Variants in TBXAS1 observed in about 807,000 individuals in gnomAD.
TBXAS1 encodes thromboxane-A synthase.
A neutral mutation model predicts 60.7 loss-of-function variants in TBXAS1; 48 were observed. That is an observed-to-expected ratio of 0.79 (90% CI 0.63 to 1.01). TBXAS1 has a LOEUF of 1.01. Ranked by LOEUF, TBXAS1 falls within the 50% of genes least tolerant of loss-of-function variation. The pLI, the probability that TBXAS1 is intolerant of heterozygous loss-of-function variation, is 0.00. For synonymous variants in TBXAS1, 287 were observed against 269.7 expected (o/e 1.06, Z -0.63); for missense variants, 685 against 686.3 (o/e 1.00, Z 0.02).
chr7:139,970,396 C>T (rs752702945), intron 9 of TBXAS1, among the ~76,000 whole-genome samples: 36 of 152,172 alleles, frequency 2.4e-4, no homozygotes, highest in Non-Finnish European at 3.2e-4. Flanking sequence ...CGTGAGCCAC[C>T]GTGCCCGGCC....
chr7:139,850,197 T>A (rs1569500692), intron 1 of TBXAS1, among the ~76,000 whole-genome samples: 1 of 152,194 alleles, frequency 6.6e-6, no homozygotes, highest in Non-Finnish European at 1.5e-5. Context: ...ATTTGTCCAC[T>A]CACCTCCAGT....
At chr7:139,933,631 C>T (rs985624710) in intron 4 of TBXAS1, among the ~76,000 whole-genome samples, 1 of 152,152 alleles carries the variant, frequency 6.6e-6, no homozygotes, top group African/African-American at 2.4e-5. Context: ...ATAATTAACT[C>T]CTCTCTAGAT....
At chr7:139,846,365 A>G (rs988897169) in intron 1 of TBXAS1, among the ~76,000 whole-genome samples, 80 of 152,344 alleles carry the variant, frequency 5.3e-4, no homozygotes, top group African/African-American at 1.7e-3. Flanking sequence ...GACCTTAAGC[A>G]ATAGATGTCA....
intron 9 of TBXAS1, among the ~76,000 whole-genome samples, chr7:140,000,302 C>T (rs1252208557): frequency 1.3e-5 from 2 of 152,136 alleles, no homozygotes; most frequent in Admixed American, 6.5e-5. Flanking sequence ...GAGTTCAACA[C>T]AAGCCTGGGC....
chr7:140,018,705 G>A (rs1011096290), intron 12 of TBXAS1, among the ~76,000 whole-genome samples: 3 of 152,180 alleles, frequency 2.0e-5, no homozygotes, highest in African/African-American at 7.2e-5. Flanking sequence ...GCTCAGAGAG[G>A]TTAAATAACT....
Position 139,785,021 on chromosome 7 carries a change from CCA to C in TBXAS1, c.-169+2294_-169+2295del, listed in dbSNP as rs377011073. On this transcript the variant is annotated intron_variant, in intron 3 of 16. Transcript: ENST00000336425. ...AGACTCCTCAGGCAGAACCCCAAACCCACTGACTCAGGAATCTCTGGGGGTGG... is the reference window on the plus strand; with the variant it reads ...AGACTCCTCAGGCAGAACCCCAAACCCTGACTCAGGAATCTCTGGGGGTGG... 4.7e-3 allele frequency among the ~76,000 whole-genome samples: 713 copies of C among 152,262 alleles called. 4 individuals carry two copies. The highest frequency in any genetic ancestry group is 0.011 in the South Asian group (51 of 4,822).
chr7:139,873,973 G>A lies in TBXAS1; in HGVS notation c.184-1612G>A, dbSNP rs1569505434. Among the ~76,000 whole-genome samples the A allele has an allele frequency of 3.3e-5, 5 of 152,060 alleles. No homozygotes were observed. The South Asian group carries it at 1.0e-3, about 32-fold the overall frequency. ...CCTACCTCCGGAAAGGCTGGCCCTT[G>A]GCACTAGATAGAAAAGAAAGCTGCT... On this transcript the variant is annotated intron_variant, in intron 2 of 12. Coordinates refer to ENST00000448866, the MANE Select transcript of TBXAS1 (RefSeq NM_001061.7).
chr7:139,852,000 G>C (rs545613114), intron 1 of TBXAS1, among the ~76,000 whole-genome samples: 6 of 152,270 alleles, frequency 3.9e-5, no homozygotes, highest in African/African-American at 1.4e-4. Context: ...TGCTTACTTT[G>C]GGGAAGTCAG....
At chr7:139,801,905 A>G (rs1286756231) in intron 4 of TBXAS1, among the ~76,000 whole-genome samples, 1 of 152,220 alleles carries the variant, frequency 6.6e-6, no homozygotes, top group Non-Finnish European at 1.5e-5. Context: ...GTGGGACTAC[A>G]GATGCACGCC....
At chr7:139,925,628 C>T (rs1001197405) in intron 4 of TBXAS1, among the ~76,000 whole-genome samples, 8 of 152,126 alleles carry the variant, frequency 5.3e-5, no homozygotes, top group Non-Finnish European at 1.2e-4. Flanking sequence ...AATTTGGATA[C>T]GTTTATTTCA....
chr7:139,783,561 T>C (rs1160659199), intron 3 of TBXAS1, among the ~76,000 whole-genome samples: 1 of 152,158 alleles, frequency 6.6e-6, no homozygotes, highest in Non-Finnish European at 1.5e-5. Flanking sequence ...TGACCTGCAG[T>C]CCAGGCTGAA....
rs1350198612 is a variant in TBXAS1, at chr7:139,962,142, A to G, written c.1043A>G (p.Asn348Ser). The change falls in exon 9 of 13, where the codon AAC becomes AGC. Residue 348 changes from asparagine (N) to serine (S), a missense_variant. Physicochemically the swap from Asn to Ser is conservative, Grantham distance 46. Coordinates refer to ENST00000448866, the MANE Select transcript of TBXAS1 (RefSeq NM_001061.7). The stretch of plus-strand genomic sequence containing the variant: ...ATCGCTGGCTATGAAATCATCACCA[A>G]CACACTTTCTTTTGCCACCTACCTA... The part of the protein sequence containing the change: ...FLIAGYEIIT[N>S]TLSFATYLLA... The G allele has an allele frequency of 1.9e-6, 3 of 1,614,168 alleles. No individual in the cohort carries two copies. Among genetic ancestry groups the G allele is most frequent in the Admixed American group, 1.7e-5 (1 of 60,028 alleles).
intron 9 of TBXAS1, among the ~76,000 whole-genome samples, chr7:139,977,353 T>C (rs958740494): frequency 7.2e-5 from 11 of 152,172 alleles, no homozygotes; most frequent in African/African-American, 2.7e-4. Flanking sequence ...GAAACTTCCT[T>C]TTTTAAAACC....
intron 1 of TBXAS1, among the ~76,000 whole-genome samples, chr7:139,870,628 T>G (rs867496127): frequency 3.9e-5 from 6 of 152,170 alleles, no homozygotes; most frequent in Non-Finnish European, 4.4e-5. Context: ...GTGTGGCTCT[T>G]GAGTGTGGTT....
intron 1 of TBXAS1, among the ~76,000 whole-genome samples, chr7:139,854,769 G>A (rs1800468451): frequency 6.6e-6 from 1 of 152,184 alleles, no homozygotes; most frequent in Admixed American, 6.5e-5. Context: ...GGGTTTATTA[G>A]ACAAGATAAC....
At chr7:139,832,058 T>C (rs2116495122) in intron 1 of TBXAS1, among the ~76,000 whole-genome samples, 1 of 152,180 alleles carries the variant, frequency 6.6e-6, no homozygotes, top group African/African-American at 2.4e-5. Flanking sequence ...GAATTTTAGC[T>C]CCAGATCAAC....
In TBXAS1 at chr7:139,951,593, T is replaced by TAAAAAAAA. The variant is rs66551791; in HGVS notation, c.451-1752_451-1745dup. 5.5e-3 allele frequency among the ~76,000 whole-genome samples: 363 copies of TAAAAAAAA among 66,290 alleles called. 4 individuals are homozygous for TAAAAAAAA. Among genetic ancestry groups the TAAAAAAAA allele is most frequent in the South Asian group, 9.3e-3 (20 of 2,144 alleles). The allele number at this position is 66,290 out of a possible 152,430, so 43.5% of individuals were successfully genotyped here. A position where few individuals can be genotyped will look rare whatever the true frequency, so the allele number is the denominator to read the frequency against. ...CAACATGGTGGAATCCCGTCTCTAC[T>TAAAAAAAA]AAAAAAAAAAAAAAAAAAAAAAAAA... On this transcript the variant is annotated intron_variant, in intron 5 of 12. Coordinates refer to ENST00000448866, the MANE Select transcript of TBXAS1 (RefSeq NM_001061.7).
chr7:139,872,607 T>C (rs1054398206), intron 2 of TBXAS1, among the ~76,000 whole-genome samples: 1 of 152,144 alleles, frequency 6.6e-6, no homozygotes, highest in Non-Finnish European at 1.5e-5. Context: ...TGAGCCGAGA[T>C]TGCACCATTG....
At chr7:140,002,085 A>C (rs563429138) in intron 9 of TBXAS1, among the ~76,000 whole-genome samples, 12 of 152,330 alleles carry the variant, frequency 7.9e-5, no homozygotes, top group Admixed American at 2.6e-4. Flanking sequence ...GTGCCTGGTG[A>C]ATCATGCTCG....
Sources: gnomAD v4.1 joint callset for allele counts (sites outside exome capture counted in the v4.1 genomes callset) on GRCh38, gnomAD v4.1.1 for gene constraint, MANE v1.5 for transcripts, NCBI Gene and HGNC (gene_info 2026-07-23, HGNC 2026-07-21) for gene names.